PCLO: variants seen among roughly 807,000 people sequenced by gnomAD.
PCLO encodes protein piccolo.
In PCLO, 82 loss-of-function variants were observed where a neutral mutation model predicts 427.5. The ratio of observed to expected loss-of-function variants is 0.19; its 90% CI spans 0.16 to 0.23. The LOEUF (loss-of-function observed/expected upper bound fraction) is 0.23. Ranked by LOEUF, PCLO falls within the 10% of genes least tolerant of loss-of-function variation. PCLO has a pLI of 1.00. For missense variants in PCLO, 6,239 were observed against 6,115.9 expected (o/e 1.02, Z -0.67); for synonymous variants, 2,357 against 2,155.4 (o/e 1.09, Z -2.59).
chr7:83,038,189 T>C (rs116281281), intron 3 of PCLO, among the ~76,000 whole-genome samples: 3,411 of 134,250 alleles, frequency 0.025, 141 homozygotes, highest in African/African-American at 0.085. Flanking sequence ...ATATAACACA[T>C]ATCCATACAC....
chr7:82,988,940 T>C (rs1796315265), intron 3 of PCLO, among the ~76,000 whole-genome samples: 1 of 152,116 alleles, frequency 6.6e-6, no homozygotes, highest in African/African-American at 2.4e-5. Flanking sequence ...GTTCAAGCGA[T>C]TCTCCTGCCT....
At chr7:82,882,380 T>C (rs1229406216) in intron 9 of PCLO, among the ~76,000 whole-genome samples, 1 of 152,190 alleles carries the variant, frequency 6.6e-6, no homozygotes, top group Non-Finnish European at 1.5e-5. Flanking sequence ...GACAAATTTT[T>C]ATCAAGATAA....
chr7:82,884,822 T>C (rs13237603), intron 9 of PCLO, among the ~76,000 whole-genome samples: 38,883 of 151,978 alleles, frequency 0.26, 5,280 homozygotes, highest in Middle Eastern at 0.3. Flanking sequence ...CTTTTTTTTT[T>C]TGAGAAACAC....
At position 82,951,195 on chromosome 7, in the gene PCLO, A is replaced by C; in HGVS notation, c.9393T>G (p.Pro3131=). ...GCATTGGCTGGCTATGGTGCATGGC[A>C]GGTAATGAAGTCACTGCATCAGCCG... ...IHTADAVTSL[P]AMHHSQPMPR... Residue 3131 remains proline (P), a synonymous_variant, in exon 6 of 25, where the codon CCT becomes CCG. Transcript: ENST00000333891. The C allele has an allele frequency of 6.2e-7, 1 of 1,613,742 alleles. No individual in the cohort carries two copies. Among genetic ancestry groups the C allele is most frequent in the Non-Finnish European group, 8.5e-7 (1 of 1,179,800 alleles).
At chr7:82,835,832 T>C in intron 15 of PCLO, 139 bp from the exon 16 acceptor site, 1 of 675,356 alleles carries the variant, frequency 1.5e-6, no homozygotes, top group Non-Finnish European at 2.6e-6. Context: ...ATAAATGACA[T>C]GAGGCAGAAA....
At chr7:83,080,739 T>C (rs1790075908) in intron 3 of PCLO, among the ~76,000 whole-genome samples, 2 of 152,060 alleles carry the variant, frequency 1.3e-5, no homozygotes, top group African/African-American at 4.8e-5. Flanking sequence ...TATATCCTAA[T>C]TTAAAATACT....
intron 3 of PCLO, among the ~76,000 whole-genome samples, chr7:83,026,083 G>C (rs912399949): frequency 2.0e-5 from 3 of 151,500 alleles, no homozygotes; most frequent in Non-Finnish European, 4.4e-5. Flanking sequence ...CATCATGACA[G>C]GATCAAATTC....
chr7:82,854,484 T>G (rs1340643181), intron 10 of PCLO, among the ~76,000 whole-genome samples: 1 of 152,240 alleles, frequency 6.6e-6, no homozygotes, highest in South Asian at 2.1e-4. Context: ...ATTAAAAATT[T>G]TAATGCAAAT....
intron 21 of PCLO, 62 bp downstream of exon 21, chr7:82,805,626 T>G: frequency 2.0e-6 from 3 of 1,510,116 alleles, no homozygotes; most frequent in Non-Finnish European, 2.7e-6. Context: ...CTGTTAACTG[T>G]TGAGAATGCC....
At chr7:82,844,506 C>A (rs1792449755) in intron 13 of PCLO, among the ~76,000 whole-genome samples, 1 of 152,102 alleles carries the variant, frequency 6.6e-6, no homozygotes, top group South Asian at 2.1e-4. Flanking sequence ...TGTCTGGTCA[C>A]TTGACCTAAG....
chr7:82,798,617 T>C (rs1431522754), intron 22 of PCLO, among the ~76,000 whole-genome samples: 1 of 152,202 alleles, frequency 6.6e-6, no homozygotes, highest in East Asian at 1.9e-4. Flanking sequence ...CCTCACTCTG[T>C]TTATATATTC....
intron 6 of PCLO, among the ~76,000 whole-genome samples, chr7:82,944,669 A>G (rs1795160183): frequency 6.6e-6 from 1 of 152,220 alleles, no homozygotes; most frequent in Admixed American, 6.5e-5. Flanking sequence ...TATGAAAGAT[A>G]CAGTTACCGG....
At chr7:83,009,087 C>A (rs1788017322) in intron 3 of PCLO, among the ~76,000 whole-genome samples, 1 of 151,762 alleles carries the variant, frequency 6.6e-6, no homozygotes, top group South Asian at 2.1e-4. Flanking sequence ...TTTAAGATAG[C>A]CTTTTTAGTG....
chr7:83,139,197 C>G (rs1791803733), intron 2 of PCLO, among the ~76,000 whole-genome samples: 1 of 151,832 alleles, frequency 6.6e-6, no homozygotes, highest in South Asian at 2.1e-4. Flanking sequence ...AAATAAAGTA[C>G]AATGAATGAA....
chr7:83,093,492 A>ATTTTTTTTTT (rs1169852004), intron 3 of PCLO, among the ~76,000 whole-genome samples: 2 of 59,338 alleles, frequency 3.4e-5, no homozygotes, highest in Admixed American at 2.9e-4. Context: ...ATATATATAT[A>ATTTTTTTTTT]TTTTTTTTTT....
At chr7:82,868,178 T>A (rs1793143292) in intron 10 of PCLO, 1 of 456,640 alleles carries the variant, frequency 2.2e-6, no homozygotes, top group East Asian at 7.0e-5. Context: ...TCTCCAACCT[T>A]GATCACTGCC....
At chr7:83,132,063 G>A (rs1255655992) in intron 3 of PCLO, among the ~76,000 whole-genome samples, 1 of 152,002 alleles carries the variant, frequency 6.6e-6, no homozygotes, top group Non-Finnish European at 1.5e-5. Flanking sequence ...GTCCTATGGA[G>A]TAATGATAGA....
intron 14 of PCLO, among the ~76,000 whole-genome samples, chr7:82,841,150 A>G (rs1308651428): frequency 1.3e-5 from 2 of 152,100 alleles, no homozygotes; most frequent in East Asian, 1.9e-4. Flanking sequence ...GGAAACTTCA[A>G]ATTTCCAGGA....
At chr7:82,994,378 A>G (rs1048355978) in intron 3 of PCLO, among the ~76,000 whole-genome samples, 2 of 151,900 alleles carry the variant, frequency 1.3e-5, no homozygotes, top group Non-Finnish European at 2.9e-5. Context: ...ATATTCAGGA[A>G]AGGAAAGTCT....
Sources: allele counts gnomAD v4.1 joint callset (sites outside exome capture counted in the v4.1 genomes callset), GRCh38; gene constraint gnomAD v4.1.1; transcripts MANE v1.5; gene names NCBI Gene and HGNC (gene_info 2026-07-23, HGNC 2026-07-21).